The following SORL1 variants were observed in gnomAD, a reference collection of about 807,000 sequenced individuals.
SORL1 encodes the protein sortilin-related receptor.
A neutral mutation model predicts 273.7 loss-of-function variants in SORL1; 127 were observed. That is an observed-to-expected ratio of 0.46 (90% CI 0.40 to 0.54). The LOEUF (loss-of-function observed/expected upper bound fraction) is 0.54. Among genes scored for constraint, SORL1 ranks in the 20% least tolerant of loss-of-function variants. The pLI is 0.00. For synonymous variants in SORL1, 1,031 were observed against 1,067.4 expected (o/e 0.97, Z 0.66); for missense variants, 2,494 against 2,846.1 (o/e 0.88, Z 2.81).
At chr11:121,532,928 C>T (rs182464371) in intron 12 of SORL1, among the ~76,000 whole-genome samples, 2 of 152,194 alleles carry the variant, frequency 1.3e-5, no homozygotes, top group Non-Finnish European at 2.9e-5. Flanking sequence ...AGGTGATCCA[C>T]CTGCTTCGGC....
chr11:121,488,330 T>C, intron 4 of SORL1, 137 bp downstream of exon 4: 1 of 858,556 alleles, frequency 1.2e-6, no homozygotes, highest in Non-Finnish European at 1.8e-6. Context: ...TTGTAGCTAC[T>C]ATTTCACTTA....
chr11:121,486,242 C>T (rs1178242469), intron 3 of SORL1, among the ~76,000 whole-genome samples: 2 of 152,196 alleles, frequency 1.3e-5, no homozygotes, highest in Non-Finnish European at 2.9e-5. Context: ...CTTCCTCATT[C>T]TTCCAGGAGC....
chr11:121,555,668 TATC>T (rs1375207193), intron 18 of SORL1, among the ~76,000 whole-genome samples: 5 of 152,120 alleles, frequency 3.3e-5, no homozygotes, highest in Non-Finnish European at 5.9e-5. Context: ...ATCAGCCTAA[TATC>T]ATGGTATTAT....
intron 31 of SORL1, among the ~76,000 whole-genome samples, chr11:121,592,849 T>G (rs532761383): frequency 6.6e-6 from 1 of 152,382 alleles, no homozygotes; most frequent in Non-Finnish European, 1.5e-5. Context: ...TTGTTTTTGC[T>G]TATTGAAACT....
intron 24 of SORL1, 54 bp downstream of exon 24, chr11:121,574,417 T>C: frequency 1.3e-6 from 2 of 1,557,034 alleles, no homozygotes; most frequent in Non-Finnish European, 1.8e-6. Context: ...GTCATTGTGC[T>C]CCCTCACAGG....
chr11:121,507,202 C>G (rs1293298569), intron 6 of SORL1, among the ~76,000 whole-genome samples: 1 of 152,168 alleles, frequency 6.6e-6, no homozygotes, highest in African/African-American at 2.4e-5. Flanking sequence ...TTCTTTGCTG[C>G]TTTCCAAGGT....
Position 121,496,844 on chromosome 11 carries a change from C to T in SORL1, c.759-25C>T, listed in dbSNP as rs1161231201. 1.9e-6 allele frequency: 3 copies of T among 1,558,086 alleles called. No homozygotes were observed. The South Asian group carries it at 3.4e-5, about 18-fold the overall frequency. On this transcript the variant is annotated intron_variant, in intron 5 of 47. Transcript: ENST00000260197. Reference sequence around the variant, plus strand: ...TAGTAATTAAATGTGCAAATGATAACAACCTTTTTTTTTTTTTCTGCCAGG... The same window carrying T: ...TAGTAATTAAATGTGCAAATGATAATAACCTTTTTTTTTTTTTCTGCCAGG...
chr11:121,558,735 G>A lies in SORL1; in HGVS notation c.2808G>A (p.Thr936=), dbSNP rs370296806. 27 of 1,614,028 alleles carry A rather than the reference G, an allele frequency of 1.7e-5. No homozygotes were observed. The highest frequency in any genetic ancestry group is 1.0e-4 in the Admixed American group (6 of 60,008). ...TGGACGACCAGTGGATTTACTGGAC[G>A]GATGCCTACCTGGAGTGCATAGAGC... ...ISVDDQWIYW[T]DAYLECIERI... Residue 936 remains threonine, a synonymous_variant, in exon 20 of 48, where the codon ACG becomes ACA. Transcript: ENST00000260197.
Position 121,550,841 on chromosome 11 carries a change from T to C in SORL1, c.2266+171T>C, listed in dbSNP as rs561487424. Reference sequence around the variant, plus strand: ...CCTAAGGTTGGTTTCCACACTGAACTTGTACATAGCCATACCCGTTTTTAG... The same window carrying C: ...CCTAAGGTTGGTTTCCACACTGAACCTGTACATAGCCATACCCGTTTTTAG... On this transcript the variant is annotated intron_variant, in intron 16 of 47. Coordinates refer to ENST00000260197, the MANE Select transcript of SORL1 (RefSeq NM_003105.6). This position sits in a 1 kb window ranked among gnomAD's most constrained non-coding sequence, Gnocchi z 5.3. 4.8e-4 allele frequency among the ~76,000 whole-genome samples: 73 copies of C among 152,358 alleles called. No homozygotes were observed. Among genetic ancestry groups the C allele is most frequent in the African/African-American group, 1.7e-3 (69 of 41,592 alleles).
chr11:121,577,075 C>T (rs1377220130), intron 24 of SORL1: 9 of 1,122,842 alleles, frequency 8.0e-6, no homozygotes, highest in East Asian at 2.6e-5. Flanking sequence ...CTCAGAATCT[C>T]AGCCCACCTG....
chr11:121,621,055 TG>T lies in SORL1; in HGVS notation c.5890-7del. On this transcript the variant is annotated splice_region_variant and splice_polypyrimidine_tract_variant and intron_variant, in intron 43 of 47. Transcript: ENST00000260197. ...TGATTATCATTCACTTGTTCTTTTT[TG>T]GTCCTAGTTGTATGCAGTTGCAGTC... 1 of 1,580,930 alleles carries T rather than the reference TG, an allele frequency of 6.3e-7. No individual in the cohort carries two copies. Among genetic ancestry groups the T allele is most frequent in the Non-Finnish European group, 8.6e-7 (1 of 1,159,056 alleles).
At chr11:121,620,778 T>G (rs1863712225) in intron 43 of SORL1, among the ~76,000 whole-genome samples, 1 of 152,220 alleles carries the variant, frequency 6.6e-6, no homozygotes, top group Non-Finnish European at 1.5e-5. Context: ...ATGTGCTTGC[T>G]TGTTCCAACC....
At chr11:121,478,052 AGAAAG>A (rs2134793718) in intron 2 of SORL1, 61 bp from the exon 3 acceptor site, 4 of 1,291,246 alleles carry the variant, frequency 3.1e-6, no homozygotes, top group Middle Eastern at 2.5e-4. Context: ...AAAAAAAAAA[AGAAAG>A]ATCTTTCTGC....
chr11:121,469,973 C>T (rs769893383), intron 1 of SORL1, 34 bp from the exon 2 acceptor site: 6 of 1,335,330 alleles, frequency 4.5e-6, no homozygotes, highest in South Asian at 2.3e-5. Flanking sequence ...CATCACTTAT[C>T]GTGGGTCCTA....
chr11:121,564,872 C>T (rs1015654872), intron 21 of SORL1, among the ~76,000 whole-genome samples: 6 of 152,092 alleles, frequency 3.9e-5, no homozygotes, highest in East Asian at 3.8e-4. Flanking sequence ...TGCACCCAGC[C>T]GGTAATAGAG....
chr11:121,465,812 C>T (rs2134775683), intron 1 of SORL1, among the ~76,000 whole-genome samples: 1 of 152,322 alleles, frequency 6.6e-6, no homozygotes, highest in Admixed American at 6.5e-5. Context: ...CAGGCATGAA[C>T]CACCACGCCC....
At chr11:121,584,514 T>TG (rs1863063064) in intron 26 of SORL1, among the ~76,000 whole-genome samples, 2 of 141,058 alleles carry the variant, frequency 1.4e-5, no homozygotes, top group East Asian at 5.7e-4. Context: ...ATTTTCATAC[T>TG]TATACCTAAT....
chr11:121,625,019 A>G (rs1863774306), intron 45 of SORL1, 66 bp from the exon 46 acceptor site: 2 of 1,191,848 alleles, frequency 1.7e-6, no homozygotes, highest in Non-Finnish European at 2.4e-6. Context: ...TAAAGATGGA[A>G]CCAGTAATAG....
At chr11:121,580,275 A>G (rs1862994229) in intron 25 of SORL1, among the ~76,000 whole-genome samples, 1 of 152,166 alleles carries the variant, frequency 6.6e-6, no homozygotes, top group African/African-American at 2.4e-5. Context: ...CATTCGTTGG[A>G]CTGCCTCATT....
Sources: allele counts gnomAD v4.1 joint callset (sites outside exome capture counted in the v4.1 genomes callset), GRCh38; gene constraint gnomAD v4.1.1; non-coding constraint Gnocchi (gnomAD v3.1); transcripts MANE v1.5; gene names NCBI Gene and HGNC (gene_info 2026-07-23, HGNC 2026-07-21).